TLE4: variants seen among roughly 807,000 people sequenced by gnomAD.
The protein encoded by TLE4 is TLE family member 4, transcriptional corepressor, also known as transducin-like enhancer protein 4.
In TLE4, 8 loss-of-function variants were observed where a neutral mutation model predicts 92.8. The ratio of observed to expected loss-of-function variants is 0.09; its 90% CI spans 0.05 to 0.16. The LOEUF (loss-of-function observed/expected upper bound fraction) is 0.16, where lower values mean the gene tolerates loss of function less well. Among genes scored for constraint, TLE4 ranks in the 10% least tolerant of loss-of-function variants. The pLI, the probability that TLE4 is intolerant of heterozygous loss-of-function variation, is 1.00. For missense variants in TLE4, 675 were observed against 997.6 expected, an observed-to-expected ratio of 0.68 and a Z score of 4.36; for synonymous variants, 371 against 374.1, an observed-to-expected ratio of 0.99 and a Z score of 0.10.
At chr9:79,691,771 T>C (rs2067130917) in intron 8 of TLE4, among the ~76,000 whole-genome samples, 1 of 152,262 alleles carries the variant, frequency 6.6e-6, no homozygotes, top group Admixed American at 6.5e-5. Flanking sequence ...TGTCATCTTT[T>C]TGCAGAAGCG....
intron 18 of TLE4, 54 bp from the exon 19 acceptor site, chr9:79,722,905 G>T: frequency 1.3e-6 from 2 of 1,519,454 alleles, no homozygotes; most frequent in Non-Finnish European, 1.8e-6. Flanking sequence ...AGCAAATCTT[G>T]GTGTCTGACA....
intron 6 of TLE4, among the ~76,000 whole-genome samples, chr9:79,639,778 G>A (rs746239374): frequency 4.0e-4 from 61 of 152,244 alleles, no homozygotes; most frequent in Admixed American, 2.7e-3. Flanking sequence ...TATGTGTGTA[G>A]TAGGTTATAC....
intron 4 of TLE4, among the ~76,000 whole-genome samples, chr9:79,589,463 C>G (rs746856424): frequency 3.6e-5 from 5 of 140,378 alleles, no homozygotes; most frequent in Non-Finnish European, 7.8e-5. Flanking sequence ...GGACTTTTCA[C>G]ACTTAAGTTC....
At chr9:79,576,690 G>T (rs1382384667) in intron 4 of TLE4, 1 of 151,906 alleles carries the variant, frequency 6.6e-6, no homozygotes, top group African/African-American at 2.4e-5. Context: ...ACTTAGTTGG[G>T]TCTTACCAAG....
intron 8 of TLE4, among the ~76,000 whole-genome samples, chr9:79,702,658 C>T (rs911646072): frequency 7.9e-5 from 12 of 152,244 alleles, no homozygotes; most frequent in African/African-American, 1.9e-4. Flanking sequence ...TAAGGCTGAA[C>T]GTTTGATAGG....
chr9:79,673,523 T>C (rs1392798017), intron 8 of TLE4, among the ~76,000 whole-genome samples: 1 of 152,206 alleles, frequency 6.6e-6, no homozygotes, highest in Non-Finnish European at 1.5e-5. Flanking sequence ...AACTATATGA[T>C]TTTAAAAGTG....
rs2051269838 is a variant in TLE4, at chr9:79,622,462, G to A, written c.316-4912G>A. On this transcript the variant is annotated intron_variant, in intron 5 of 19. Coordinates refer to ENST00000376552, the MANE Select transcript of TLE4 (RefSeq NM_007005.6). The stretch of plus-strand genomic sequence containing the variant: ...CTACAGAATTCCTGGAAATCCTTCA[G>A]GTCTCAGTTGTCAGGTCAGCTTCCT... Among the ~76,000 whole-genome samples the A allele has an allele frequency of 3.3e-5, 5 of 152,192 alleles. No homozygotes were observed. The South Asian group carries it at 1.0e-3, about 31-fold the overall frequency.
At chr9:79,642,375 CCT>C (rs2057341053) in intron 6 of TLE4, among the ~76,000 whole-genome samples, 1 of 151,930 alleles carries the variant, frequency 6.6e-6, no homozygotes, top group Non-Finnish European at 1.5e-5. Flanking sequence ...CCTGCCTCAG[CCT>C]CCCGAGTAGC....
At chr9:79,667,869 A>T (rs2061656166) in intron 8 of TLE4, among the ~76,000 whole-genome samples, 1 of 152,212 alleles carries the variant, frequency 6.6e-6, no homozygotes. Context: ...ATCACTGGGA[A>T]CTAACTCGGG....
chr9:79,681,209 A>C (rs112546252), intron 8 of TLE4, among the ~76,000 whole-genome samples: 1 of 152,174 alleles, frequency 6.6e-6, no homozygotes, highest in Admixed American at 6.6e-5. Flanking sequence ...AAGTCTGTGA[A>C]TACATCCAAA....
chr9:79,603,659 A>C (rs968536199), intron 4 of TLE4, among the ~76,000 whole-genome samples: 5 of 152,092 alleles, frequency 3.3e-5, no homozygotes, highest in Admixed American at 6.6e-5. Context: ...CATTCACTTT[A>C]TTGTTGTGGT....
rs560167441 is a variant in TLE4, at chr9:79,706,517, G to A, written c.784-230G>A. Among the ~76,000 whole-genome samples, 183 of 151,044 alleles carry A rather than the reference G, an allele frequency of 1.2e-3. 2 individuals carry two copies. The highest frequency in any genetic ancestry group is 4.0e-3 in the African/African-American group (164 of 41,092). ...TGACGTGCAATTTGCAGATGGGTGG[G>A]GTTTTGATTTTTCTTTGGGTTTTAA... is the stretch of plus-strand genomic sequence containing the variant. On this transcript the variant is annotated intron_variant, in intron 10 of 19. Transcript: ENST00000376552.
intron 8 of TLE4, among the ~76,000 whole-genome samples, chr9:79,675,642 CT>C (rs1189964385): frequency 6.6e-6 from 1 of 152,096 alleles, no homozygotes; most frequent in Non-Finnish European, 1.5e-5. Flanking sequence ...CTATTTGTGA[CT>C]GGTGGCTTAA....
chr9:79,578,297 T>A (rs2038571222), intron 4 of TLE4, among the ~76,000 whole-genome samples: 1 of 152,180 alleles, frequency 6.6e-6, no homozygotes, highest in Non-Finnish European at 1.5e-5. Context: ...TAGATTTGTG[T>A]CTCGAAGGGT....
intron 8 of TLE4, among the ~76,000 whole-genome samples, chr9:79,654,970 C>T (rs573713514): frequency 3.3e-5 from 5 of 152,110 alleles, no homozygotes; most frequent in Non-Finnish European, 5.9e-5. Flanking sequence ...GGCGAAACCC[C>T]GTCTCTATTA....
intron 8 of TLE4, among the ~76,000 whole-genome samples, chr9:79,658,327 A>G (rs1004819187): frequency 6.6e-6 from 1 of 152,094 alleles, no homozygotes; most frequent in African/African-American, 2.4e-5. Flanking sequence ...TTTACGTATA[A>G]TTATTTTTTA....
chr9:79,577,969 A>G (rs991326921), intron 4 of TLE4, among the ~76,000 whole-genome samples: 1 of 152,190 alleles, frequency 6.6e-6, no homozygotes, highest in African/African-American at 2.4e-5. Context: ...AATTGAGAAC[A>G]GTACATTTTC....
chr9:79,612,544 A>G, intron 4 of TLE4, 112 bp from the exon 5 acceptor site: 1 of 1,012,148 alleles, frequency 9.9e-7, no homozygotes, highest in Non-Finnish European at 1.5e-6. Context: ...TCCTTAGGAA[A>G]TATGCCAGCC....
At chr9:79,589,680 A>G (rs943606811) in intron 4 of TLE4, among the ~76,000 whole-genome samples, 15 of 152,208 alleles carry the variant, frequency 9.9e-5, no homozygotes, top group African/African-American at 3.6e-4. Flanking sequence ...GTTGCCCTTT[A>G]TTAGCCTTCC....
Sources: allele counts gnomAD v4.1 joint callset (sites outside exome capture counted in the v4.1 genomes callset), GRCh38; gene constraint gnomAD v4.1.1; transcripts MANE v1.5; gene names NCBI Gene and HGNC (gene_info 2026-07-23, HGNC 2026-07-21).